Variants in MIGA1 observed in about 807,000 individuals in gnomAD.
MIGA1 encodes mitoguardin 1.
A neutral mutation model predicts 82.0 loss-of-function variants in MIGA1; 58 were observed. The observed-to-expected ratio is 0.71, with a 90% CI of 0.57 to 0.88. MIGA1 has a LOEUF of 0.88. MIGA1 is among the 40% of genes least tolerant of loss of function. The probability of loss-of-function intolerance (pLI) is 0.00; values close to 1 mark genes in which losing one functional copy is unlikely to be tolerated. For synonymous variants in MIGA1, 249 were observed against 253.6 expected, an observed-to-expected ratio of 0.98 and a Z score of 0.17; for missense variants, 751 against 749.1, an observed-to-expected ratio of 1.00 and a Z score of -0.03.
intron 7 of MIGA1, among the ~76,000 whole-genome samples, chr1:77,815,624 C>T (rs890215265): frequency 3.9e-5 from 6 of 152,140 alleles, no homozygotes; most frequent in African/African-American, 9.7e-5. Context: ...CCACTTTAAT[C>T]GCAGGATAGC....
rs1199723322 is a variant in MIGA1, at chr1:77,848,150, AGAAAG to A, written c.996+4745_996+4749del. On this transcript the variant is annotated intron_variant, in intron 8 of 15. Coordinates refer to ENST00000370791, the MANE Select transcript of MIGA1 (RefSeq NM_198549.4). The stretch of plus-strand genomic sequence containing the variant: ...ATTACACTGACCGTGATTACCAGAA[AGAAAG>A]GGATTCTCATAGGCACAGGAGACCA... The A allele has an allele frequency of 6.4e-6, 9 of 1,399,118 alleles. No individual in the cohort carries two copies. In the African/African-American group the frequency reaches 1.3e-4, roughly 20 times the overall value. 86.7% of individuals were successfully genotyped at this position (1,399,118 alleles called of 1,614,324 possible).
chr1:77,857,572 C>A (rs950902593), intron 8 of MIGA1, among the ~76,000 whole-genome samples: 1 of 151,610 alleles, frequency 6.6e-6, no homozygotes, highest in Admixed American at 6.6e-5. Flanking sequence ...CCCAGCTACT[C>A]GGGAGGCTGA....
intron 7 of MIGA1, among the ~76,000 whole-genome samples, chr1:77,827,491 A>G (rs1166513168): frequency 2.0e-5 from 3 of 152,022 alleles, no homozygotes; most frequent in African/African-American, 7.2e-5. Flanking sequence ...AAAATAAAAT[A>G]AAATAAAAAA....
At chr1:77,798,066 T>C (rs1682732268) in intron 2 of MIGA1, among the ~76,000 whole-genome samples, 1 of 152,192 alleles carries the variant, frequency 6.6e-6, no homozygotes. Flanking sequence ...TAGCTACAGG[T>C]TTTTAAAATA....
At chr1:77,866,242 T>C in intron 13 of MIGA1, 96 bp from the exon 14 acceptor site, 1 of 1,092,638 alleles carries the variant, frequency 9.2e-7, no homozygotes, top group Non-Finnish European at 1.4e-6. Flanking sequence ...AATGAATGTA[T>C]TGAACGTTTT....
chr1:77,832,784 C>A (rs1684289205), intron 7 of MIGA1, among the ~76,000 whole-genome samples: 1 of 152,042 alleles, frequency 6.6e-6, no homozygotes, highest in Non-Finnish European at 1.5e-5. Flanking sequence ...CAAAAGGGAG[C>A]CGTTGAGGAT....
At chr1:77,842,838 G>A (rs1046713329) in intron 7 of MIGA1, among the ~76,000 whole-genome samples, 3 of 152,160 alleles carry the variant, frequency 2.0e-5, no homozygotes, top group African/African-American at 7.2e-5. Flanking sequence ...CACTGCACCC[G>A]GCCGTGAATT....
intron 8 of MIGA1, among the ~76,000 whole-genome samples, chr1:77,850,147 G>C (rs1321630926): frequency 6.6e-6 from 1 of 152,024 alleles, no homozygotes; most frequent in Non-Finnish European, 1.5e-5. Flanking sequence ...GAAGACCTAA[G>C]TTTCTTACCA....
intron 8 of MIGA1, among the ~76,000 whole-genome samples, chr1:77,857,893 T>C (rs984660132): frequency 6.6e-6 from 1 of 152,172 alleles, no homozygotes. Flanking sequence ...TAAGGAAATA[T>C]GTCTTAGAAT....
chr1:77,799,440 CTT>C (rs1682786694), intron 2 of MIGA1, among the ~76,000 whole-genome samples: 1 of 152,128 alleles, frequency 6.6e-6, no homozygotes, highest in Admixed American at 6.5e-5. Flanking sequence ...CAATTTCTGA[CTT>C]ATGTTTTTAA....
intron 7 of MIGA1, among the ~76,000 whole-genome samples, chr1:77,842,486 G>A (rs913301333): frequency 9.2e-5 from 14 of 152,162 alleles, no homozygotes; most frequent in African/African-American, 3.4e-4. Flanking sequence ...TGACCATTCA[G>A]TTTTTAAAGT....
intron 7 of MIGA1, among the ~76,000 whole-genome samples, chr1:77,831,706 G>A (rs571966922): frequency 7.2e-4 from 109 of 152,208 alleles, no homozygotes; most frequent in African/African-American, 2.4e-3. Flanking sequence ...GTTTATTTTT[G>A]TAACAGTAGA....
At chr1:77,820,472 T>C (rs1197602417) in intron 7 of MIGA1, among the ~76,000 whole-genome samples, 1 of 152,182 alleles carries the variant, frequency 6.6e-6, no homozygotes, top group Non-Finnish European at 1.5e-5. Context: ...AATTAACATA[T>C]AGAGTACCAA....
At chr1:77,869,700 G>C (rs868374836) in intron 14 of MIGA1, among the ~76,000 whole-genome samples, 3 of 99,428 alleles carry the variant, frequency 3.0e-5, no homozygotes, top group Non-Finnish European at 6.3e-5. Flanking sequence ...GCGGGGGGCT[G>C]ACCCCCCCAC....
intron 8 of MIGA1, among the ~76,000 whole-genome samples, chr1:77,844,137 TAGATAGATAG>T (rs1377609768): frequency 3.2e-4 from 30 of 93,788 alleles, no homozygotes; most frequent in East Asian, 7.0e-4. Flanking sequence ...TATATATATA[TAGATAGATAG>T]ATAGATAGAT....
chr1:77,848,162 T>C lies in MIGA1; in HGVS notation c.996+4755T>C. On this transcript the variant is annotated intron_variant, in intron 8 of 15. Transcript: ENST00000370791. ...GTGATTACCAGAAAGAAAGGGATTC[T>C]CATAGGCACAGGAGACCAGTCATAG... 11 of 1,415,684 alleles carry C rather than the reference T, an allele frequency of 7.8e-6. No individual in the cohort carries two copies. In the South Asian group the frequency reaches 1.2e-4, roughly 15 times the overall value. The allele number at this position is 1,415,684 out of a possible 1,614,324, so 87.7% of individuals were successfully genotyped here.
chr1:77,844,950 GC>G (rs1440663927), intron 8 of MIGA1, among the ~76,000 whole-genome samples: 1 of 152,132 alleles, frequency 6.6e-6, no homozygotes, highest in African/African-American at 2.4e-5. Flanking sequence ...CCACTGCACT[GC>G]AGCCTGGTCA....
At chr1:77,806,899 A>T (rs968496716) in intron 4 of MIGA1, 76 bp from the exon 5 acceptor site, 32 of 1,100,902 alleles carry the variant, frequency 2.9e-5, no homozygotes, top group Non-Finnish European at 3.0e-5. Flanking sequence ...TTATAAAAAT[A>T]ATTTGTAAAT....
intron 7 of MIGA1, among the ~76,000 whole-genome samples, chr1:77,827,297 C>A (rs1470426597): frequency 6.6e-6 from 1 of 151,976 alleles, no homozygotes; most frequent in African/African-American, 2.4e-5. Flanking sequence ...TTTACAACTT[C>A]TTCCTTTCCC....
Sources: gnomAD v4.1 joint callset for allele counts (sites outside exome capture counted in the v4.1 genomes callset) on GRCh38, gnomAD v4.1.1 for gene constraint, MANE v1.5 for transcripts, NCBI Gene and HGNC (gene_info 2026-07-23, HGNC 2026-07-21) for gene names.